CATSPER4: variants seen among roughly 807,000 people sequenced by gnomAD.
CATSPER4 encodes the protein cation channel sperm-associated protein 4.
Under a neutral mutation model 54.4 loss-of-function variants are expected in CATSPER4, and 46 were observed. That is an observed-to-expected ratio of 0.84 (90% CI 0.67 to 1.08). CATSPER4 has a LOEUF of 1.08. CATSPER4 is among the 50% of genes least tolerant of loss of function. The pLI, the probability that CATSPER4 is intolerant of heterozygous loss-of-function variation, is 0.00. For synonymous variants in CATSPER4, 230 were observed against 231.9 expected (o/e 0.99, Z 0.08); for missense variants, 574 against 612.8 (o/e 0.94, Z 0.67).
Position 26,198,295 on chromosome 1 carries a change from G to A in CATSPER4, c.688G>A (p.Val230Met), listed in dbSNP as rs550106336. The A allele has an allele frequency of 9.3e-6, 15 of 1,614,144 alleles. No homozygotes were observed. Among genetic ancestry groups the A allele is most frequent in the Middle Eastern group, 1.7e-4 (1 of 6,060 alleles). ...LILFFMLVFSVFGVTLFGAFV... is the reference protein window; with the variant it reads ...LILFFMLVFSMFGVTLFGAFV... The stretch of plus-strand genomic sequence containing the variant: ...CTTTTCTCTCTGACAGGTTTTTTCC[G>A]TGTTTGGAGTAACACTCTTTGGTGC... Residue 230 changes from valine to methionine, a missense_variant, in exon 6 of 10, where the codon GTG becomes ATG. Coordinates refer to ENST00000456354, the MANE Select transcript of CATSPER4 (RefSeq NM_198137.2).
At chr1:26,202,344 G>C in intron 9 of CATSPER4, 145 bp from the exon 10 acceptor site, 1 of 739,954 alleles carries the variant, frequency 1.4e-6, no homozygotes, top group Non-Finnish European at 2.4e-6. Flanking sequence ...CTCAGAGGGG[G>C]TACTAGGTAG....
intron 9 of CATSPER4, among the ~76,000 whole-genome samples, chr1:26,201,758 CG>C (rs2089011736): frequency 6.9e-6 from 1 of 144,296 alleles, no homozygotes; most frequent in Admixed American, 7.2e-5. Context: ...GGCGCGATCT[CG>C]GCTCGCTGCC....
intron 5 of CATSPER4, 57 bp downstream of exon 5, chr1:26,198,134 C>T: frequency 6.2e-7 from 1 of 1,614,040 alleles, no homozygotes; most frequent in Non-Finnish European, 8.5e-7. Flanking sequence ...GCCCTTGGGT[C>T]ATTGCAAATA....
At chr1:26,196,755 A>G (rs2088943379) in intron 3 of CATSPER4, among the ~76,000 whole-genome samples, 1 of 151,688 alleles carries the variant, frequency 6.6e-6, no homozygotes, top group African/African-American at 2.4e-5. Context: ...TTGTACTTCA[A>G]CCAGAGTATC....
chr1:26,201,591 T>A, intron 9 of CATSPER4, 72 bp downstream of exon 9: 1 of 1,475,570 alleles, frequency 6.8e-7, no homozygotes, highest in Non-Finnish European at 9.5e-7. Context: ...GCCGGGCCTC[T>A]GGACCATTTG....
Position 26,193,866 on chromosome 1 carries a change from A to G in CATSPER4, c.437A>G (p.Asn146Ser). ...TGTGAGGTTCTCCTTGGCTGGCTCA[A>G]TGGCTTCTGGATTTTCTGGAAGGTG... ...LLCEVLLGWL[N>S]GFWIFWKDGW... The change falls in exon 3 of 10, where the codon AAT (asparagine) becomes AGT (serine). Residue 146 changes from asparagine (N) to serine (S), a missense_variant. Asn to Ser is a conservative substitution (Grantham distance 46). Coordinates refer to ENST00000456354, the MANE Select transcript of CATSPER4 (RefSeq NM_198137.2). The G allele has an allele frequency of 6.2e-7, 1 of 1,614,050 alleles. No individual in the cohort carries two copies. The highest frequency in any genetic ancestry group is 8.5e-7 in the Non-Finnish European group (1 of 1,179,920).
chr1:26,194,091 C>G (rs1229421273), intron 3 of CATSPER4, among the ~76,000 whole-genome samples: 9 of 152,230 alleles, frequency 5.9e-5, no homozygotes, highest in Non-Finnish European at 1.3e-4. Context: ...ATTCCAATCC[C>G]TGCTCCAGCC....
At chr1:26,200,805 C>A (rs1319170853) in intron 7 of CATSPER4, 25 bp from the exon 8 acceptor site, 1 of 1,598,240 alleles carries the variant, frequency 6.3e-7, no homozygotes, top group East Asian at 2.2e-5. Flanking sequence ...GCTGTCCCGA[C>A]CCCTCTCTAT....
At chr1:26,194,786 T>C (rs1455563565) in intron 3 of CATSPER4, among the ~76,000 whole-genome samples, 1 of 151,960 alleles carries the variant, frequency 6.6e-6, no homozygotes, top group Non-Finnish European at 1.5e-5. Context: ...CTTTTTTTTT[T>C]CATTAAGTAT....
rs533498401 is a variant in CATSPER4 at position 26,198,462 on chromosome 1, C to T, written c.812+43C>T. The T allele has an allele frequency of 5.9e-4, 949 of 1,612,792 alleles. 17 individuals are homozygous for T. In the South Asian group the frequency reaches 9.4e-3, roughly 16 times the overall value. On this transcript the variant is annotated intron_variant, in intron 6 of 9. Transcript: ENST00000456354. Reference sequence around the variant, plus strand: ...TTCCAGCCTCATCCCACCTATGGGGCAGGGTAGCCGGTGGAGCTCCAGGCT... The same window carrying T: ...TTCCAGCCTCATCCCACCTATGGGGTAGGGTAGCCGGTGGAGCTCCAGGCT...
At chr1:26,200,776 C>A in intron 7 of CATSPER4, 54 bp from the exon 8 acceptor site, 2 of 1,416,596 alleles carry the variant, frequency 1.4e-6, no homozygotes, top group Non-Finnish European at 2.0e-6. Flanking sequence ...AAAAGGGTGC[C>A]GGGGGCGTGC....
At chr1:26,192,413 A>G (rs2124522757) in intron 2 of CATSPER4, among the ~76,000 whole-genome samples, 1 of 152,090 alleles carries the variant, frequency 6.6e-6, no homozygotes, top group East Asian at 2.0e-4. Flanking sequence ...AACATGGTGA[A>G]ACCCCGTCTC....
intron 2 of CATSPER4, 51 bp from the exon 3 acceptor site, chr1:26,193,736 C>G: frequency 8.1e-7 from 1 of 1,231,642 alleles, no homozygotes; most frequent in Non-Finnish European, 1.2e-6. Flanking sequence ...CTTGCCCAGG[C>G]CCTGCTCCAC....
intron 3 of CATSPER4, among the ~76,000 whole-genome samples, chr1:26,195,779 G>A (rs1412334063): frequency 2.0e-5 from 3 of 152,072 alleles, no homozygotes; most frequent in African/African-American, 7.2e-5. Flanking sequence ...TGGGATTACA[G>A]GCATAAGCCA....
chr1:26,197,165 C>A (rs2088952131), intron 3 of CATSPER4, among the ~76,000 whole-genome samples: 1 of 152,190 alleles, frequency 6.6e-6, no homozygotes, highest in South Asian at 2.1e-4. Context: ...CTCAGACTCC[C>A]AAAGTGCTGG....
At chr1:26,196,402 C>CCTTT (rs2088938843) in intron 3 of CATSPER4, among the ~76,000 whole-genome samples, 4 of 82,446 alleles carry the variant, frequency 4.9e-5, no homozygotes, top group East Asian at 3.2e-4. Context: ...TTTTCTTTTC[C>CCTTT]TTTTTTTTTT....
rs2088901668 is a variant in CATSPER4 at position 26,193,709 on chromosome 1, C to T, written c.358-78C>T. ...ATACGGGACTTCCCTCCCCTACATACATCCTCTCCCTGCCGGCTTGCCCAG... is the reference window on the plus strand; with the variant it reads ...ATACGGGACTTCCCTCCCCTACATATATCCTCTCCCTGCCGGCTTGCCCAG... On this transcript the variant is annotated intron_variant, in intron 2 of 9. Coordinates refer to ENST00000456354, the MANE Select transcript of CATSPER4 (RefSeq NM_198137.2). 4.5e-6 allele frequency: 4 copies of T among 894,468 alleles called. No homozygotes were observed. The African/African-American group carries it at 4.9e-5, about 11-fold the overall frequency. 55.4% of individuals were successfully genotyped at this position (894,468 alleles called of 1,614,324 possible).
Position 26,201,418 on chromosome 1 carries a change from C to G in CATSPER4, c.1264C>G (p.Arg422Gly). 1 of 1,614,060 alleles carries G rather than the reference C, an allele frequency of 6.2e-7. No individual in the cohort carries two copies. The highest frequency in any genetic ancestry group is 8.5e-7 in the Non-Finnish European group (1 of 1,179,950). ...GCAGGAGTCAGAGGTGTTGAACAGGCGCTCGTCGACGAGCGGGTCGTTGGA... is the reference window on the plus strand; with the variant it reads ...GCAGGAGTCAGAGGTGTTGAACAGGGGCTCGTCGACGAGCGGGTCGTTGGA... ...QEQESEVLNR[R>G]SSTSGSLETT... The change falls in exon 9 of 10, where the codon CGC becomes GGC. Residue 422 changes from arginine to glycine, a missense_variant. Arg to Gly is a moderately radical substitution (Grantham distance 125). Coordinates refer to ENST00000456354, the MANE Select transcript of CATSPER4 (RefSeq NM_198137.2).
At chr1:26,202,072 C>A (rs1016177840) in intron 9 of CATSPER4, among the ~76,000 whole-genome samples, 3 of 152,198 alleles carry the variant, frequency 2.0e-5, no homozygotes, top group African/African-American at 7.2e-5. Flanking sequence ...AAAGGCTCCA[C>A]CCTTCCTGCC....
Sources: gnomAD v4.1 joint callset for allele counts (sites outside exome capture counted in the v4.1 genomes callset) on GRCh38, gnomAD v4.1.1 for gene constraint, MANE v1.5 for transcripts, NCBI Gene and HGNC (gene_info 2026-07-23, HGNC 2026-07-21) for gene names.